The following MLXIPL variants were observed in gnomAD, a reference collection of about 807,000 sequenced individuals.
MLXIPL encodes MLX interacting protein like.
Under a neutral mutation model 81.5 loss-of-function variants are expected in MLXIPL, and 49 were observed. The observed-to-expected ratio is 0.60, with a 90% confidence interval of 0.48 to 0.76. The LOEUF (loss-of-function observed/expected upper bound fraction) is 0.76, where lower values mean the gene tolerates loss of function less well. Among genes scored for constraint, MLXIPL ranks in the 30% least tolerant of loss-of-function variants. The pLI is 0.00. For synonymous variants in MLXIPL, 466 were observed against 485.5 expected, an observed-to-expected ratio of 0.96 and a Z score of 0.53; for missense variants, 1,053 against 1,167.0, an observed-to-expected ratio of 0.90 and a Z score of 1.42.
chr7:73,645,791 C>T, the MLXIPL span, among the ~76,000 whole-genome samples: 1 of 152,132 alleles, frequency 6.6e-6, no homozygotes. Flanking sequence ...AGCCAAGATG[C>T]TTGGGTTTGA....
the MLXIPL span, among the ~76,000 whole-genome samples, chr7:73,637,966 C>T: frequency 6.6e-6 from 1 of 152,174 alleles, no homozygotes; most frequent in Non-Finnish European, 1.5e-5. Flanking sequence ...GCACCACTGC[C>T]AGGCTCAGCC....
chr7:73,607,598 T>G lies in MLXIPL; in HGVS notation c.475A>C (p.Lys159Gln), dbSNP rs1311249898. 1.2e-6 allele frequency: 2 copies of G among 1,612,838 alleles called. No individual in the cohort carries two copies. Among genetic ancestry groups the G allele is most frequent in the Admixed American group, 3.3e-5 (2 of 59,990 alleles). The change falls in exon 3 of 17, where the codon AAG becomes CAG. Residue 159 changes from lysine (K) to glutamine (Q), a missense_variant. Around this residue, in one of 3 missense-constraint regions of MLXIPL, gnomAD observed 4 missense variants for 17.8 expected, o/e 0.22. Transcript: ENST00000313375. ...GTCCAGAACCCAGCTACCTCCGGCT[T>G]CCGGTGCGCATCAGCCTCAGGCCCC... is the stretch of plus-strand genomic sequence containing the variant. ...LQGPEADAHR[K>Q]PEAVVLEGNY...
At chr7:73,612,472 C>T (rs1399089904) in intron 2 of MLXIPL, among the ~76,000 whole-genome samples, 2 of 151,952 alleles carry the variant, frequency 1.3e-5, no homozygotes, top group Non-Finnish European at 2.9e-5. Flanking sequence ...GAAACCCTGT[C>T]TCTACCGAAA....
chr7:73,638,339 C>G, the MLXIPL span, among the ~76,000 whole-genome samples: 3 of 151,804 alleles, frequency 2.0e-5, 1 homozygote, highest in South Asian at 6.2e-4. Context: ...GAATCTCACT[C>G]TGTCACCCAG....
At chr7:73,624,548 C>G, upstream of MLXIPL, 2 of 1,476,042 alleles carry the variant, frequency 1.4e-6, no homozygotes, top group Non-Finnish European at 1.8e-6. Flanking sequence ...GGGAACAGCT[C>G]TTGGCCAGCC....
In MLXIPL at chr7:73,624,486, C is replaced by T. The variant is rs1422571921; in HGVS notation, c.7G>A (p.Gly3Ser). The change falls in exon 1 of 17, where the codon GGC becomes AGC. Residue 3 changes from glycine (G) to serine (S), a missense_variant. Transcript: ENST00000313375. MA[G>S]ALAGLAAGLQ... Reference sequence around the variant, plus strand: ...CCCGCGGCCAGACCTGCCAGCGCGCCGGCCATGGCTGTCGCCGCCGCAACC... The same window carrying T: ...CCCGCGGCCAGACCTGCCAGCGCGCTGGCCATGGCTGTCGCCGCCGCAACC... The T allele has an allele frequency of 2.0e-6, 3 of 1,526,110 alleles. No individual in the cohort carries two copies. Among genetic ancestry groups the T allele is most frequent in the African/African-American group, 2.8e-5 (2 of 71,516 alleles). 94.5% of individuals were successfully genotyped at this position (1,526,110 alleles called of 1,614,324 possible).
At chr7:73,594,497 CCTGGACA>C in intron 15 of MLXIPL, 94 bp from the exon 16 acceptor site, 1 of 1,503,756 alleles carries the variant, frequency 6.7e-7, no homozygotes, top group Non-Finnish European at 9.1e-7. Flanking sequence ...GAAGAAAGGG[CCTGGACA>C]CTGTCTAACG....
intron 5 of MLXIPL, 74 bp from the exon 6 acceptor site, chr7:73,606,185 G>A (rs573858809): frequency 2.5e-5 from 36 of 1,445,198 alleles, no homozygotes; most frequent in Non-Finnish European, 3.2e-5. Context: ...CCCTCTCCAG[G>A]GTCAAGTGGT....
At chr7:73,617,748 G>A (rs1206818699) in intron 1 of MLXIPL, among the ~76,000 whole-genome samples, 1 of 152,024 alleles carries the variant, frequency 6.6e-6, no homozygotes, top group Non-Finnish European at 1.5e-5. Context: ...AGGGAGGCGA[G>A]GTCAGAGGAT....
At position 73,623,036 on chromosome 7, in the gene MLXIPL, G is replaced by A. The variant is rs55747707; in HGVS notation, c.293+1164C>T. Among the ~76,000 whole-genome samples the A allele has an allele frequency of 0.16, 24,709 of 152,058 alleles. 2,105 individuals carry two copies. The highest frequency in any genetic ancestry group is 0.19 in the Non-Finnish European group (13,223 of 67,976). ...ACGGGAATTTGAACTTTCCACACGGGTCCGACGCCCTGGCCGATCGGGTTG... is the reference window on the plus strand; with the variant it reads ...ACGGGAATTTGAACTTTCCACACGGATCCGACGCCCTGGCCGATCGGGTTG... On this transcript the variant is annotated intron_variant, in intron 1 of 16. Coordinates refer to ENST00000313375, the MANE Select transcript of MLXIPL (RefSeq NM_032951.3). The surrounding 1 kb of genome is among the most constrained non-coding windows in gnomAD (Gnocchi z 5.7).
At chr7:73,624,126 C>G in intron 1 of MLXIPL, 74 bp downstream of exon 1, 1 of 1,469,778 alleles carries the variant, frequency 6.8e-7, no homozygotes, top group East Asian at 2.5e-5. Flanking sequence ...GGCCCCAGCG[C>G]GCAGTCCTGC....
At chr7:73,614,289 G>A (rs1458718136) in intron 2 of MLXIPL, among the ~76,000 whole-genome samples, 3 of 152,096 alleles carry the variant, frequency 2.0e-5, no homozygotes, top group African/African-American at 7.2e-5. Flanking sequence ...TGGACTTCCA[G>A]CCAGCCCCAG....
chr7:73,625,556 A>C (rs2116555848), upstream of MLXIPL, among the ~76,000 whole-genome samples: 1 of 152,244 alleles, frequency 6.6e-6, no homozygotes, highest in Middle Eastern at 3.4e-3. Flanking sequence ...CAGGAGTTCG[A>C]AACCAGCCTG....
At chr7:73,624,121 C>A in intron 1 of MLXIPL, 79 bp downstream of exon 1, 1 of 1,468,384 alleles carries the variant, frequency 6.8e-7, no homozygotes, top group Non-Finnish European at 9.0e-7. Context: ...TTGAGGGCCC[C>A]AGCGCGCAGT....
upstream of MLXIPL, among the ~76,000 whole-genome samples, chr7:73,625,428 C>A (rs1796682515): frequency 6.6e-6 from 1 of 152,208 alleles, no homozygotes; most frequent in Non-Finnish European, 1.5e-5. Context: ...GGGCCTGGCC[C>A]ACAGGAGGTT....
the MLXIPL span, among the ~76,000 whole-genome samples, chr7:73,643,420 A>C: frequency 6.6e-6 from 1 of 151,768 alleles, no homozygotes; most frequent in Admixed American, 6.6e-5. Flanking sequence ...AGGCTGAGGC[A>C]GGAGAATGGC....
At chr7:73,626,295 G>A (rs1471920116), upstream of MLXIPL, among the ~76,000 whole-genome samples, 10 of 146,790 alleles carry the variant, frequency 6.8e-5, no homozygotes, top group East Asian at 2.1e-4. Flanking sequence ...ATGCGCCACC[G>A]TGCCCAGCCT....
rs55639253 is a variant in MLXIPL, at chr7:73,601,176, AGTGTGT to A, written c.902-1487_902-1482del. Among the ~76,000 whole-genome samples the A allele has an allele frequency of 6.4e-3, 882 of 137,710 alleles. 4 individuals carry two copies. The highest frequency in any genetic ancestry group is 8.9e-3 in the Non-Finnish European group (569 of 63,752). 90.3% of individuals were successfully genotyped at this position (137,710 alleles called of 152,430 possible). The stretch of plus-strand genomic sequence containing the variant: ...AAACCCAGAACCCACTGCAGGGTCA[AGTGTGT>A]GTGTGTGTGTGTGTGTGTGTGTGTG... On this transcript the variant is annotated intron_variant, in intron 7 of 16. Transcript: ENST00000313375.
chr7:73,643,167 G>A, the MLXIPL span, among the ~76,000 whole-genome samples: 2 of 152,132 alleles, frequency 1.3e-5, no homozygotes, highest in African/African-American at 2.4e-5. Flanking sequence ...CAACCAGCCC[G>A]TTGCTCAGGG....
Sources: gnomAD v4.1 joint callset for allele counts (sites outside exome capture counted in the v4.1 genomes callset) on GRCh38, gnomAD v4.1.1 for gene constraint, gnomAD v4.1.1 regional missense constraint, Gnocchi (gnomAD v3.1) non-coding constraint, MANE v1.5 for transcripts, NCBI Gene and HGNC (gene_info 2026-07-23, HGNC 2026-07-21) for gene names.